AGAP1: variants seen among roughly 807,000 people sequenced by gnomAD.
AGAP1 encodes the protein arf-GAP with GTPase, ANK repeat and PH domain-containing protein 1.
Under a neutral mutation model 105.3 loss-of-function variants are expected in AGAP1, and 29 were observed. The observed-to-expected ratio is 0.28, with a 90% CI of 0.21 to 0.38. The LOEUF (loss-of-function observed/expected upper bound fraction) is 0.38, where lower values mean the gene tolerates loss of function less well. AGAP1 is among the 10% of genes least tolerant of loss of function. The pLI is 1.00. For synonymous variants in AGAP1, 509 were observed against 485.9 expected, an observed-to-expected ratio of 1.05 and a Z score of -0.63; for missense variants, 998 against 1,165.1, an observed-to-expected ratio of 0.86 and a Z score of 2.09.
Position 235,553,809 on chromosome 2 carries a change from A to G in AGAP1, c.163+58960A>G, listed in dbSNP as rs1337533695. 1.3e-5 allele frequency among the ~76,000 whole-genome samples: 2 copies of G among 152,184 alleles called. No individual in the cohort carries two copies. The highest frequency in any genetic ancestry group is 2.4e-5 in the African/African-American group (1 of 41,452). ...TAAGTGGCACTCCTCATGCTGAGCAACTGACGTCGTATTTCCACCCGACAA... is the reference window on the plus strand; with the variant it reads ...TAAGTGGCACTCCTCATGCTGAGCAGCTGACGTCGTATTTCCACCCGACAA... On this transcript the variant is annotated intron_variant, in intron 1 of 17. Coordinates refer to ENST00000304032, the MANE Select transcript of AGAP1 (RefSeq NM_001037131.3). The surrounding 1 kb of genome is among the most constrained non-coding windows in gnomAD (Gnocchi z 4.5).
At chr2:235,648,146 C>T (rs954675488) in intron 1 of AGAP1, among the ~76,000 whole-genome samples, 6 of 152,198 alleles carry the variant, frequency 3.9e-5, no homozygotes, top group South Asian at 2.1e-4. Flanking sequence ...GTGTCCATCC[C>T]GTGTGTGCCA....
chr2:235,499,643 C>G (rs764494349), intron 1 of AGAP1, among the ~76,000 whole-genome samples: 5 of 152,136 alleles, frequency 3.3e-5, no homozygotes, highest in Non-Finnish European at 4.4e-5. Flanking sequence ...TGCAGGTGCT[C>G]TTTGAGATGC....
chr2:235,924,106 T>C (rs1322035535), intron 11 of AGAP1, among the ~76,000 whole-genome samples: 1 of 152,146 alleles, frequency 6.6e-6, no homozygotes, highest in East Asian at 1.9e-4. Context: ...ACACTACCCC[T>C]GTCTCACCAG....
chr2:235,826,583 G>A (rs1959081686), intron 9 of AGAP1, among the ~76,000 whole-genome samples: 1 of 152,090 alleles, frequency 6.6e-6, no homozygotes, highest in African/African-American at 2.4e-5. Flanking sequence ...CCAAGTAGCT[G>A]GGATTACAGG....
At chr2:235,815,775 A>G (rs1447047795) in intron 9 of AGAP1, among the ~76,000 whole-genome samples, 1 of 152,230 alleles carries the variant, frequency 6.6e-6, no homozygotes, top group Non-Finnish European at 1.5e-5. Flanking sequence ...AAACTTTCCT[A>G]AGTTGTGGTA....
At chr2:235,594,906 T>TTTTA (rs60333666) in intron 1 of AGAP1, among the ~76,000 whole-genome samples, 1 of 138,712 alleles carries the variant, frequency 7.2e-6, no homozygotes, top group Non-Finnish European at 1.6e-5. Context: ...TTTTTTTTTT[T>TTTTA]ATGATGTAAA....
At position 235,639,185 on chromosome 2, in the gene AGAP1, A is replaced by G. The variant is rs1369026285; in HGVS notation, c.164-69994A>G. On this transcript the variant is annotated intron_variant, in intron 1 of 17. Transcript: ENST00000304032. The surrounding 1 kb of genome is among the most constrained non-coding windows in gnomAD (Gnocchi z 5.3). ...ACGGATGATAGTGGCCCACAGGTTGAGAGAGGGGATGGGTTCAGCTTTGGC... is the reference window on the plus strand; with the variant it reads ...ACGGATGATAGTGGCCCACAGGTTGGGAGAGGGGATGGGTTCAGCTTTGGC... 6.6e-6 allele frequency among the ~76,000 whole-genome samples: 1 copy of G among 152,042 alleles called. No individual in the cohort carries two copies. Among genetic ancestry groups the G allele is most frequent in the African/African-American group, 2.4e-5 (1 of 41,404 alleles).
chr2:235,848,634 G>A (rs560989332), intron 9 of AGAP1, among the ~76,000 whole-genome samples: 1 of 152,306 alleles, frequency 6.6e-6, no homozygotes, highest in East Asian at 1.9e-4. Context: ...TATTTTCAGA[G>A]TACTTTTACA....
intron 9 of AGAP1, among the ~76,000 whole-genome samples, chr2:235,833,083 G>A (rs1959639298): frequency 6.6e-6 from 1 of 152,238 alleles, no homozygotes; most frequent in Non-Finnish European, 1.5e-5. Context: ...GAGCATGGTA[G>A]AAGAGACAAG....
At position 236,062,436 on chromosome 2, in the gene AGAP1, T is replaced by TTTGTTGTTGTTGTTGTTGTTG. The variant is rs145991084; in HGVS notation, c.2114+13161_2114+13181dup. 3.1e-3 allele frequency among the ~76,000 whole-genome samples: 469 copies of TTTGTTGTTGTTGTTGTTGTTG among 151,022 alleles called. 3 individuals carry two copies. Among genetic ancestry groups the TTTGTTGTTGTTGTTGTTGTTG allele is most frequent in the Middle Eastern group, 0.01 (3 of 292 alleles). ...CTAGGAGCATACTCAGGACTCGTAT[T>TTTGTTGTTGTTGTTGTTGTTG]TTGTTGTTGTTGTTGTTGTTGTTGT... On this transcript the variant is annotated intron_variant, in intron 16 of 17. Transcript: ENST00000304032. The surrounding 1 kb of genome is among the most constrained non-coding windows in gnomAD (Gnocchi z 4.2).
intron 11 of AGAP1, among the ~76,000 whole-genome samples, chr2:235,926,553 T>C (rs947296549): frequency 6.6e-6 from 1 of 152,262 alleles, no homozygotes; most frequent in Admixed American, 6.5e-5. Context: ...GTGTAATTTT[T>C]TTTAGTCAAA....
At chr2:235,644,351 G>A (rs1172424455) in intron 1 of AGAP1, among the ~76,000 whole-genome samples, 1 of 152,128 alleles carries the variant, frequency 6.6e-6, no homozygotes, top group Non-Finnish European at 1.5e-5. Context: ...GCCTCTTCAC[G>A]GATGTGTGTG....
At chr2:236,026,479 C>A (rs111916333) in intron 13 of AGAP1, among the ~76,000 whole-genome samples, 2 of 152,072 alleles carry the variant, frequency 1.3e-5, no homozygotes, top group Non-Finnish European at 2.9e-5. Context: ...CTGTAATCCC[C>A]GCACTTTGGG....
chr2:235,802,911 G>GGTGA (rs1342384445), intron 8 of AGAP1, among the ~76,000 whole-genome samples: 3 of 38,968 alleles, frequency 7.7e-5, no homozygotes, highest in African/African-American at 1.8e-4. Context: ...TTGTGATGGT[G>GGTGA]TGATGGTTGT....
intron 1 of AGAP1, among the ~76,000 whole-genome samples, chr2:235,591,593 G>A (rs1429267427): frequency 6.6e-6 from 1 of 152,162 alleles, no homozygotes; most frequent in African/African-American, 2.4e-5. Flanking sequence ...TGTCACTGAT[G>A]TGGTTTGGAT....
Position 235,970,350 on chromosome 2 carries a change from C to T in AGAP1, c.1645+1727C>T, listed in dbSNP as rs2054589831. 2.0e-5 allele frequency among the ~76,000 whole-genome samples: 3 copies of T among 152,148 alleles called. No homozygotes were observed. In the South Asian group the frequency reaches 6.2e-4, roughly 32 times the overall value. ...CTGACCTTCCCACTGAAAACAGTAT[C>T]AGCCGCAGGCGCTCTGTGTTGGTAA... On this transcript the variant is annotated intron_variant, in intron 13 of 17. Coordinates refer to ENST00000304032, the MANE Select transcript of AGAP1 (RefSeq NM_001037131.3). The surrounding 1 kb of genome is among the most constrained non-coding windows in gnomAD (Gnocchi z 5.4).
chr2:235,944,965 T>C (rs2053422511), intron 12 of AGAP1, among the ~76,000 whole-genome samples: 2 of 152,234 alleles, frequency 1.3e-5, no homozygotes, highest in Admixed American at 1.3e-4. Context: ...GGTGGTATCG[T>C]TGTAAACCAA....
rs901230657 is a variant in AGAP1 at position 235,849,920 on chromosome 2, C to T, written c.1051-33425C>T. The stretch of plus-strand genomic sequence containing the variant: ...ACATGCTCCCCTCTCCCTCTCACCA[C>T]GACTCTTTCTTGGTCCTGCCTTTCT... On this transcript the variant is annotated intron_variant, in intron 9 of 17. Transcript: ENST00000304032. 3.3e-5 allele frequency among the ~76,000 whole-genome samples: 5 copies of T among 152,212 alleles called. No homozygotes were observed. In the East Asian group the frequency reaches 5.8e-4, roughly 18 times the overall value.
intron 10 of AGAP1, among the ~76,000 whole-genome samples, chr2:235,898,480 C>G (rs1465805432): frequency 0.022 from 2,825 of 131,150 alleles, 81 homozygotes; most frequent in African/African-American, 0.075. Context: ...GTTCCCCCCC[C>G]CACCCCCACC....
Sources: gnomAD v4.1 joint callset for allele counts (sites outside exome capture counted in the v4.1 genomes callset) on GRCh38, gnomAD v4.1.1 for gene constraint, Gnocchi (gnomAD v3.1) non-coding constraint, MANE v1.5 for transcripts, NCBI Gene and HGNC (gene_info 2026-07-23, HGNC 2026-07-21) for gene names.